Variants in TYW1B observed in about 807,000 individuals in gnomAD.
TYW1B encodes tRNA-yW synthesizing protein 1 homolog B.
A neutral mutation model predicts 86.9 loss-of-function variants in TYW1B; 73 were observed. The observed-to-expected ratio is 0.84, with a 90% CI of 0.70 to 1.02. The LOEUF (loss-of-function observed/expected upper bound fraction) is 1.02, where lower values mean the gene tolerates loss of function less well. TYW1B is among the 50% of genes least tolerant of loss of function. TYW1B has a pLI of 0.00. For missense variants in TYW1B, 637 were observed against 827.4 expected (o/e 0.77, Z 2.82); for synonymous variants, 248 against 292.8 (o/e 0.85, Z 1.56).
chr7:72,716,262 C>G (rs1202735560), intron 9 of TYW1B, among the ~76,000 whole-genome samples: 1 of 152,184 alleles, frequency 6.6e-6, no homozygotes, highest in African/African-American at 2.4e-5. Context: ...TGAAACATAA[C>G]TTTCTTAGCT....
intron 11 of TYW1B, among the ~76,000 whole-genome samples, chr7:72,678,733 G>T: frequency 7.8e-6 from 1 of 128,414 alleles, no homozygotes; most frequent in Non-Finnish European, 1.7e-5. Flanking sequence ...GTAGAGACGG[G>T]GTTTCACCAT....
rs1406064041 is a variant in TYW1B at position 72,646,527 on chromosome 7, G to A, written c.1507-17530C>T. Among the ~76,000 whole-genome samples the A allele has an allele frequency of 4.0e-5, 6 of 151,888 alleles. 1 individual carries two copies. The South Asian group carries it at 8.3e-4, about 21-fold the overall frequency. Reference sequence around the variant, plus strand: ...GCTGGGACTACAGGTGTGTGCCACCGCACCTGGCTAATTTTTGTAATTTTT... The same window carrying A: ...GCTGGGACTACAGGTGTGTGCCACCACACCTGGCTAATTTTTGTAATTTTT... On this transcript the variant is annotated intron_variant, in intron 11 of 13. Coordinates refer to ENST00000620995, the MANE Select transcript of TYW1B (RefSeq NM_001145440.3).
chr7:72,632,909 C>T (rs1452164473), intron 11 of TYW1B, among the ~76,000 whole-genome samples: 9 of 152,104 alleles, frequency 5.9e-5, no homozygotes, highest in African/African-American at 2.2e-4. Flanking sequence ...GGCAGCAAAG[C>T]TGGGGTGTGA....
intron 8 of TYW1B, among the ~76,000 whole-genome samples, chr7:72,735,395 TC>T (rs1393555266): frequency 6.6e-6 from 1 of 151,010 alleles, no homozygotes; most frequent in East Asian, 1.9e-4. Context: ...CTTGGTGAAA[TC>T]CCGTCTCTAC....
intron 12 of TYW1B, among the ~76,000 whole-genome samples, chr7:72,625,584 C>T (rs1812324531): frequency 6.8e-6 from 1 of 147,942 alleles, no homozygotes; most frequent in African/African-American, 2.5e-5. Context: ...ATCACTTGAG[C>T]CCAGGAGCTG....
intron 11 of TYW1B, among the ~76,000 whole-genome samples, chr7:72,651,883 T>C (rs1424188345): frequency 1.3e-5 from 2 of 151,918 alleles, no homozygotes; most frequent in African/African-American, 4.8e-5. Context: ...ATATTCAGAG[T>C]TGCAATGTTC....
chr7:72,826,554 A>C (rs1788932386), intron 2 of TYW1B, among the ~76,000 whole-genome samples: 1 of 152,178 alleles, frequency 6.6e-6, no homozygotes, highest in African/African-American at 2.4e-5. Context: ...AATTAATGGA[A>C]AGAGAGGACT....
At chr7:72,625,901 G>GGT (rs1285037856) in intron 12 of TYW1B, among the ~76,000 whole-genome samples, 5 of 86,460 alleles carry the variant, frequency 5.8e-5, no homozygotes, top group Admixed American at 1.2e-4. Flanking sequence ...TGGGGCGGGG[G>GGT]GGGGGGAAGA....
chr7:72,640,967 G>A (rs1554441415), intron 11 of TYW1B, among the ~76,000 whole-genome samples: 2 of 151,976 alleles, frequency 1.3e-5, no homozygotes, highest in East Asian at 1.9e-4. Flanking sequence ...CAACTGGGGA[G>A]AACAAAGAAA....
intron 3 of TYW1B, among the ~76,000 whole-genome samples, chr7:72,813,726 G>C (rs1174350712): frequency 1.3e-5 from 2 of 152,116 alleles, no homozygotes; most frequent in African/African-American, 4.8e-5. Flanking sequence ...TAGATATTAA[G>C]TAATGCGCCC....
intron 11 of TYW1B, among the ~76,000 whole-genome samples, chr7:72,642,476 T>G (rs1391494712): frequency 7.2e-5 from 11 of 152,358 alleles, no homozygotes; most frequent in South Asian, 2.1e-4. Context: ...CACTAAAACC[T>G]GTGCATGAAT....
intron 2 of TYW1B, among the ~76,000 whole-genome samples, 197 bp from the exon 3 acceptor site, chr7:72,815,678 C>T (rs1788709958): frequency 6.6e-6 from 1 of 151,972 alleles, no homozygotes; most frequent in African/African-American, 2.4e-5. Context: ...TTGTTCTCAC[C>T]CGATCAGGGT....
chr7:72,722,304 A>G, intron 9 of TYW1B, among the ~76,000 whole-genome samples: 1 of 152,326 alleles, frequency 6.6e-6, no homozygotes, highest in Middle Eastern at 3.4e-3. Context: ...CTAGCAATAA[A>G]TGAGGTCTTT....
chr7:72,818,046 T>C (rs1768752522), intron 2 of TYW1B, among the ~76,000 whole-genome samples: 1 of 151,200 alleles, frequency 6.6e-6, no homozygotes, highest in African/African-American at 2.4e-5. Flanking sequence ...TGGTGTTGAG[T>C]TCTTGCCCTA....
Position 72,802,393 on chromosome 7 carries a change from A to C in TYW1B, c.846+7T>G, listed in dbSNP as rs1788416729. 6 of 1,613,302 alleles carry C rather than the reference A, an allele frequency of 3.7e-6. No homozygotes were observed. Among genetic ancestry groups the C allele is most frequent in the Non-Finnish European group, 5.1e-6 (6 of 1,179,516 alleles). On this transcript the variant is annotated splice_region_variant and intron_variant, in intron 6 of 13. Transcript: ENST00000620995. ...GCCAAGTGCAACATTTCCCAAAGTA[A>C]TGGTACCTTTTCTTTCTTCACGTGA... is the stretch of plus-strand genomic sequence containing the variant.
intron 7 of TYW1B, among the ~76,000 whole-genome samples, chr7:72,758,499 G>T (rs1787632997): frequency 6.6e-6 from 1 of 151,010 alleles, no homozygotes; most frequent in African/African-American, 2.4e-5. Context: ...TTGTTATCTG[G>T]TTCACATAAT....
intron 11 of TYW1B, among the ~76,000 whole-genome samples, chr7:72,632,385 TACGTATATATATATAATA>T (rs1812536430): frequency 8.7e-6 from 1 of 114,830 alleles, no homozygotes; most frequent in African/African-American, 4.0e-5. Context: ...ATTATATATA[TACGTATATATATATAATA>T]TATATATACA....
At chr7:72,602,005 T>A (rs1173630218) in intron 13 of TYW1B, among the ~76,000 whole-genome samples, 1 of 152,190 alleles carries the variant, frequency 6.6e-6, no homozygotes, top group African/African-American at 2.4e-5. Flanking sequence ...TCAAAATCTA[T>A]AGCATTTTAT....
intron 12 of TYW1B, among the ~76,000 whole-genome samples, chr7:72,625,662 A>G (rs1812325915): frequency 6.6e-6 from 1 of 151,712 alleles, no homozygotes; most frequent in Non-Finnish European, 1.5e-5. Flanking sequence ...ACTGTCTCAG[A>G]AAAACAAAAC....
Sources: gnomAD v4.1 joint callset for allele counts (sites outside exome capture counted in the v4.1 genomes callset) on GRCh38, gnomAD v4.1.1 for gene constraint, MANE v1.5 for transcripts, NCBI Gene and HGNC (gene_info 2026-07-23, HGNC 2026-07-21) for gene names.